AGBL1: variants seen among roughly 807,000 people sequenced by gnomAD.
AGBL1 encodes the protein AGBL carboxypeptidase 1, also known as cytosolic carboxypeptidase 4.
AGBL1 carries 130 observed loss-of-function variants against 118.9 expected under a neutral mutation model. That is an observed-to-expected ratio of 1.09 (90% CI 0.95 to 1.26). AGBL1 has a LOEUF of 1.26. Ranked by LOEUF, AGBL1 falls within the 50% of genes most tolerant of loss-of-function variation. The pLI is 0.00. For missense variants in AGBL1, 1,584 were observed against 1,298.1 expected, an observed-to-expected ratio of 1.22 and a Z score of -3.38; for synonymous variants, 555 against 478.9, an observed-to-expected ratio of 1.16 and a Z score of -2.08.
chr15:87,016,751 AC>A (rs2081611085), intron 24 of AGBL1, among the ~76,000 whole-genome samples: 1 of 151,934 alleles, frequency 6.6e-6, no homozygotes, highest in South Asian at 2.1e-4. Flanking sequence ...AGGAACCACC[AC>A]CCCCAGCCAA....
intron 7 of AGBL1, among the ~76,000 whole-genome samples, chr15:86,255,273 A>G (rs992267692): frequency 1.3e-5 from 2 of 152,146 alleles, no homozygotes; most frequent in African/African-American, 4.8e-5. Flanking sequence ...TTCATGAAAC[A>G]CTTGAGACCA....
intron 21 of AGBL1, among the ~76,000 whole-genome samples, chr15:86,625,152 T>C (rs1245381848): frequency 1.3e-5 from 2 of 152,088 alleles, no homozygotes; most frequent in Non-Finnish European, 2.9e-5. Context: ...CAAGAGACAA[T>C]GATTTTAGTG....
chr15:86,180,381 C>A (rs139045231), intron 5 of AGBL1, among the ~76,000 whole-genome samples: 42 of 152,178 alleles, frequency 2.8e-4, no homozygotes, highest in African/African-American at 1.0e-3. Flanking sequence ...AAAATAAACC[C>A]ATGCATGAAC....
chr15:86,582,574 A>T lies in AGBL1; in HGVS notation c.2994+28037A>T, dbSNP rs12440775. 1.7e-3 allele frequency among the ~76,000 whole-genome samples: 259 copies of T among 151,838 alleles called. 2 individuals carry two copies. Among genetic ancestry groups the T allele is most frequent in the African/African-American group, 5.6e-3 (230 of 41,344 alleles). On this transcript the variant is annotated intron_variant, in intron 21 of 22. Transcript: ENST00000614907. ...GACACATGCACACGTATGTTTATTG[A>T]GGCACTATTCACAATAGCAAAGACT...
chr15:86,314,021 G>A (rs566889648), intron 17 of AGBL1, among the ~76,000 whole-genome samples: 3 of 152,146 alleles, frequency 2.0e-5, no homozygotes, highest in East Asian at 1.9e-4. Flanking sequence ...AATCATAAAC[G>A]CCTAGATCCT....
At chr15:86,676,785 C>T (rs1445159968) in intron 22 of AGBL1, among the ~76,000 whole-genome samples, 2 of 152,096 alleles carry the variant, frequency 1.3e-5, no homozygotes, top group Admixed American at 6.6e-5. Context: ...TGAGGGGGCT[C>T]TTCTCCAAAG....
At chr15:86,272,696 A>G (rs1376990601) in intron 15 of AGBL1, among the ~76,000 whole-genome samples, 1 of 152,182 alleles carries the variant, frequency 6.6e-6, no homozygotes, top group Non-Finnish European at 1.5e-5. Context: ...AAAAATCACC[A>G]TGGAGATAAT....
At chr15:86,827,384 CACATATATATATACATATATATATGTGT>C (rs1567194568) in intron 22 of AGBL1, among the ~76,000 whole-genome samples, 319 of 10,790 alleles carry the variant, frequency 0.03, 25 homozygotes, top group East Asian at 0.06. Flanking sequence ...TATATATATA[CACATATATATATACATATATATATGTGT>C]ATATATATAT....
intron 18 of AGBL1, among the ~76,000 whole-genome samples, chr15:86,460,467 G>T (rs2082320199): frequency 6.6e-6 from 1 of 151,896 alleles, no homozygotes; most frequent in Non-Finnish European, 1.5e-5. Flanking sequence ...CTGCACTCCA[G>T]TCTGGGCAAC....
chr15:86,411,905 G>C (rs554502442), intron 18 of AGBL1, among the ~76,000 whole-genome samples: 1 of 152,272 alleles, frequency 6.6e-6, no homozygotes, highest in South Asian at 2.1e-4. Context: ...GCCAGTCTCT[G>C]TTACTCTGTT....
At chr15:86,729,844 T>G (rs1427603141) in intron 22 of AGBL1, among the ~76,000 whole-genome samples, 1 of 152,180 alleles carries the variant, frequency 6.6e-6, no homozygotes, top group African/African-American at 2.4e-5. Flanking sequence ...CTTAGAGAAA[T>G]CACACTGCTT....
chr15:86,740,660 T>C (rs1340523077), intron 22 of AGBL1, among the ~76,000 whole-genome samples: 1 of 152,124 alleles, frequency 6.6e-6, no homozygotes, highest in Non-Finnish European at 1.5e-5. Flanking sequence ...TTACATCCGT[T>C]CAGAAATGGC....
At chr15:86,729,812 A>G (rs2077504336) in intron 22 of AGBL1, among the ~76,000 whole-genome samples, 1 of 152,192 alleles carries the variant, frequency 6.6e-6, no homozygotes, top group African/African-American at 2.4e-5. Context: ...TGCTGGGTCA[A>G]ATGGTAGCTC....
intron 22 of AGBL1, among the ~76,000 whole-genome samples, chr15:86,791,613 G>C (rs1459635442): frequency 3.3e-5 from 5 of 151,842 alleles, no homozygotes; most frequent in Admixed American, 3.3e-4. Flanking sequence ...AACTCTCTTG[G>C]ATACCTCAGT....
chr15:86,803,276 G>A (rs1413139744), intron 22 of AGBL1, among the ~76,000 whole-genome samples: 1 of 152,070 alleles, frequency 6.6e-6, no homozygotes, highest in Admixed American at 6.6e-5. Flanking sequence ...AGATCTGATG[G>A]TTTTACAAGC....
chr15:86,326,961 A>G (rs1354565271), intron 17 of AGBL1, among the ~76,000 whole-genome samples: 5 of 148,130 alleles, frequency 3.4e-5, no homozygotes, highest in Non-Finnish European at 5.9e-5. Context: ...ACAGAGCATT[A>G]TGAGGTCATC....
chr15:86,676,969 T>C (rs984681701), intron 22 of AGBL1, among the ~76,000 whole-genome samples: 5 of 151,956 alleles, frequency 3.3e-5, no homozygotes, highest in Admixed American at 6.6e-5. Flanking sequence ...TGAGCCAAGA[T>C]CATGGCACTG....
chr15:86,558,487 C>T (rs2142279927), intron 21 of AGBL1, among the ~76,000 whole-genome samples: 1 of 152,270 alleles, frequency 6.6e-6, no homozygotes, highest in East Asian at 1.9e-4. Context: ...TCCCCCTCTG[C>T]CCAACTTTGT....
chr15:86,634,241 G>A (rs554502578), intron 21 of AGBL1, among the ~76,000 whole-genome samples: 3 of 152,202 alleles, frequency 2.0e-5, no homozygotes, highest in Middle Eastern at 3.4e-3. Context: ...GAAAACATAT[G>A]TCCACACAAG....
Sources: allele counts gnomAD v4.1 joint callset (sites outside exome capture counted in the v4.1 genomes callset), GRCh38; gene constraint gnomAD v4.1.1; transcripts MANE v1.5; gene names NCBI Gene and HGNC (gene_info 2026-07-23, HGNC 2026-07-21).